Variants in KPNA5 observed in about 807,000 individuals in gnomAD.
The protein encoded by KPNA5 is importin subunit alpha-6.
In KPNA5, 46 loss-of-function variants were observed where a neutral mutation model predicts 71.3. That is an observed-to-expected ratio of 0.65 (90% confidence interval 0.51 to 0.83). KPNA5 has a LOEUF of 0.83. KPNA5 is among the 40% of genes least tolerant of loss of function. The pLI, the probability that KPNA5 is intolerant of heterozygous loss-of-function variation, is 0.00. For synonymous variants in KPNA5, 207 were observed against 201.4 expected (o/e 1.03, Z -0.24); for missense variants, 547 against 628.3 (o/e 0.87, Z 1.38).
In KPNA5 at chr6:116,689,456, A is replaced by T; in HGVS notation, c.138+3A>T. 6.4e-7 allele frequency: 1 copy of T among 1,556,272 alleles called. No individual in the cohort carries two copies. On this transcript the variant is annotated splice_donor_region_variant and intron_variant, in intron 2 of 13. Coordinates refer to ENST00000368564, the MANE Select transcript of KPNA5 (RefSeq NM_001366306.2). Reference sequence around the variant, plus strand: ...GAAAACAAAAAAGAGAAGAACAGGTAGGTGTTTTTAGCTATTTAATTTTGT... The same window carrying T: ...GAAAACAAAAAAGAGAAGAACAGGTTGGTGTTTTTAGCTATTTAATTTTGT...
At position 116,732,140 on chromosome 6, in the gene KPNA5, G is replaced by T; in HGVS notation, c.1437G>T (p.Leu479=). 7.9e-7 allele frequency: 1 copy of T among 1,259,284 alleles called. No individual in the cohort carries two copies. The highest frequency in any genetic ancestry group is 1.4e-5 in the South Asian group (1 of 73,144). 78.0% of individuals were successfully genotyped at this position (1,259,284 alleles called of 1,614,324 possible). ...YCALIEEAYG[L]DKIEFLQSHE... is the part of the protein sequence containing the mutation. ...TATATATACTTTGTATAACAGGTCT[G>T]GATAAAATTGAGTTTTTGCAAAGCC... Residue 479 remains leucine (L), a synonymous_variant, in exon 14 of 14, where the codon CTG becomes CTT. Coordinates refer to ENST00000368564, the MANE Select transcript of KPNA5 (RefSeq NM_001366306.2).
At chr6:116,686,979 G>A (rs967424916) in intron 1 of KPNA5, among the ~76,000 whole-genome samples, 1 of 152,078 alleles carries the variant, frequency 6.6e-6, no homozygotes, top group African/African-American at 2.4e-5. Context: ...CTCCAACTTT[G>A]TTCTTTTTGC....
intron 4 of KPNA5, among the ~76,000 whole-genome samples, chr6:116,696,911 G>A (rs887747346): frequency 4.6e-5 from 7 of 151,684 alleles, no homozygotes; most frequent in African/African-American, 1.7e-4. Flanking sequence ...TTAATTCACC[G>A]GGAAGAAACT....
chr6:116,708,765 G>A (rs1778541173), intron 7 of KPNA5, among the ~76,000 whole-genome samples: 3 of 151,932 alleles, frequency 2.0e-5, no homozygotes, highest in Admixed American at 2.0e-4. Context: ...ACAACTAACT[G>A]ATTTTTGTGT....
At chr6:116,705,209 T>G (rs1297075976) in intron 7 of KPNA5, 49 bp downstream of exon 7, 1 of 1,343,438 alleles carries the variant, frequency 7.4e-7, no homozygotes, top group African/African-American at 1.5e-5. Flanking sequence ...ATATACTCCA[T>G]GATATTCTAC....
chr6:116,707,805 A>G (rs1047727648), intron 7 of KPNA5, among the ~76,000 whole-genome samples: 2 of 152,206 alleles, frequency 1.3e-5, no homozygotes, highest in Non-Finnish European at 2.9e-5. Context: ...TAAAGTATAC[A>G]ATTTAGTGGC....
intron 8 of KPNA5, 126 bp downstream of exon 8, chr6:116,716,444 T>G: frequency 2.9e-6 from 2 of 700,452 alleles, no homozygotes; most frequent in Non-Finnish European, 5.0e-6. Context: ...GACCAATGTT[T>G]GCACATATAC....
rs763021992 is a variant in KPNA5 at position 116,689,296 on chromosome 6, GTTTTC to G, written c.5-17_5-13del. On this transcript the variant is annotated intron_variant, in intron 1 of 13. Coordinates refer to ENST00000368564, the MANE Select transcript of KPNA5 (RefSeq NM_001366306.2). ...TTGAGAGAGTGAGTTATCAGTGTCTGTTTTCTTTTCTCCTTCCTTTAAGATGCCAT... is the reference window on the plus strand; with the variant it reads ...TTGAGAGAGTGAGTTATCAGTGTCTGTTTTCTCCTTCCTTTAAGATGCCAT... The G allele has an allele frequency of 6.9e-6, 11 of 1,594,594 alleles. No individual in the cohort carries two copies. The Admixed American group carries it at 1.9e-4, about 27-fold the overall frequency.
intron 7 of KPNA5, among the ~76,000 whole-genome samples, chr6:116,712,155 G>C (rs1460344919): frequency 6.6e-6 from 1 of 151,998 alleles, no homozygotes; most frequent in Non-Finnish European, 1.5e-5. Flanking sequence ...TGGTCAGACT[G>C]GTCTCGAACT....
chr6:116,738,167 A>T lies in KPNA5; in HGVS notation c.*5844A>T, dbSNP rs1020946078. 1 of 152,132 alleles carries T rather than the reference A, an allele frequency of 6.6e-6. No homozygotes were observed. The highest frequency in any genetic ancestry group is 2.4e-5 in the African/African-American group (1 of 41,446). 9.4% of individuals were successfully genotyped at this position (152,132 alleles called of 1,614,324 possible). A position where few individuals can be genotyped will look rare whatever the true frequency, so the allele number is the denominator to read the frequency against. On this transcript the variant is annotated 3_prime_UTR_variant, in exon 14 of 14. Coordinates refer to ENST00000368564, the MANE Select transcript of KPNA5 (RefSeq NM_001366306.2). The stretch of plus-strand genomic sequence containing the variant: ...GACGCAATAAAAAATGATAAAGGGG[A>T]TATCACCACCGATCCCACAGAAATA...
intron 7 of KPNA5, among the ~76,000 whole-genome samples, chr6:116,712,621 C>T (rs532525059): frequency 3.9e-5 from 6 of 152,062 alleles, no homozygotes; most frequent in Admixed American, 3.9e-4. Context: ...CTTACTTTTG[C>T]CGTTTTACTA....
chr6:116,685,006 T>A (rs1461309431), intron 1 of KPNA5, among the ~76,000 whole-genome samples: 1 of 152,256 alleles, frequency 6.6e-6, no homozygotes, highest in African/African-American at 2.4e-5. Context: ...AAACTTGCCG[T>A]ATTATCCGTC....
At chr6:116,724,812 G>T (rs1237359808) in intron 10 of KPNA5, among the ~76,000 whole-genome samples, 1 of 152,016 alleles carries the variant, frequency 6.6e-6, no homozygotes, top group Non-Finnish European at 1.5e-5. Context: ...ACAGGGTCTT[G>T]CTATGTTGCC....
chr6:116,717,991 A>C (rs1778954789), intron 8 of KPNA5, among the ~76,000 whole-genome samples: 1 of 152,156 alleles, frequency 6.6e-6, no homozygotes, highest in Admixed American at 6.5e-5. Context: ...ACTTTAGTGC[A>C]GCAGGTGAGG....
chr6:116,709,061 A>G (rs1424598558), intron 7 of KPNA5, among the ~76,000 whole-genome samples: 2 of 152,212 alleles, frequency 1.3e-5, no homozygotes, highest in East Asian at 1.9e-4. Flanking sequence ...CTCTGGGATT[A>G]CAAGTGTGAG....
At position 116,702,139 on chromosome 6, in the gene KPNA5, G is replaced by A. The variant is rs1778254928; in HGVS notation, c.556G>A (p.Val186Ile). 3 of 1,613,452 alleles carry A rather than the reference G, an allele frequency of 1.9e-6. No individual in the cohort carries two copies. The highest frequency in any genetic ancestry group is 2.5e-6 in the Non-Finnish European group (3 of 1,179,830). ...ACTTCTTAATTCTGAACATGAAGATGTTCAGGAACAGGTACGTCTCTAATT... is the reference window on the plus strand; with the variant it reads ...ACTTCTTAATTCTGAACATGAAGATATTCAGGAACAGGTACGTCTCTAATT... ...IKLLNSEHED[V>I]QEQAVWALGN... The change falls in exon 6 of 14, where the codon GTT (valine) becomes ATT (isoleucine). Residue 186 changes from valine (V) to isoleucine (I), a missense_variant. Val to Ile is a conservative substitution (Grantham distance 29, BLOSUM62 3). Coordinates refer to ENST00000368564, the MANE Select transcript of KPNA5 (RefSeq NM_001366306.2).
At chr6:116,719,662 C>T (rs1779032606) in intron 8 of KPNA5, among the ~76,000 whole-genome samples, 1 of 151,992 alleles carries the variant, frequency 6.6e-6, no homozygotes, top group Non-Finnish European at 1.5e-5. Context: ...GCCTGGGCAA[C>T]ATTGTAAGAG....
chr6:116,698,165 C>G (rs1019548280), intron 4 of KPNA5, among the ~76,000 whole-genome samples: 40 of 152,052 alleles, frequency 2.6e-4, no homozygotes, highest in South Asian at 8.3e-4. Flanking sequence ...TTTATATAAG[C>G]TTCCTAGATA....
At chr6:116,720,195 C>G (rs1010784023) in intron 8 of KPNA5, among the ~76,000 whole-genome samples, 8 of 152,196 alleles carry the variant, frequency 5.3e-5, no homozygotes, top group Admixed American at 5.2e-4. Flanking sequence ...CCTGGTTCCT[C>G]TGATTTCTAA....
Sources: allele counts gnomAD v4.1 joint callset (sites outside exome capture counted in the v4.1 genomes callset), GRCh38; gene constraint gnomAD v4.1.1; transcripts MANE v1.5; gene names NCBI Gene and HGNC (gene_info 2026-07-23, HGNC 2026-07-21).